The following FLNC variants were observed in gnomAD, a reference collection of about 807,000 sequenced individuals.
FLNC encodes the protein filamin C, also known as filamin-C.
In FLNC, 91 loss-of-function variants were observed where a neutral mutation model predicts 254.3. That is an observed-to-expected ratio of 0.36 (90% CI 0.30 to 0.43). The LOEUF (loss-of-function observed/expected upper bound fraction) is 0.43. FLNC is among the 20% of genes least tolerant of loss of function. The pLI, the probability that FLNC is intolerant of heterozygous loss-of-function variation, is 1.00. For missense variants in FLNC, 2,853 were observed against 3,802.6 expected, an observed-to-expected ratio of 0.75 and a Z score of 6.57; for synonymous variants, 1,430 against 1,577.2, an observed-to-expected ratio of 0.91 and a Z score of 2.21.
intron 35 of FLNC, 75 bp from the exon 36 acceptor site, chr7:128,852,516 G>A: frequency 6.4e-7 from 1 of 1,568,444 alleles, no homozygotes. Context: ...GGGCTGCTCA[G>A]GAGGGTTCCT....
intron 35 of FLNC, 99 bp from the exon 36 acceptor site, chr7:128,852,492 G>A: frequency 7.1e-7 from 1 of 1,406,328 alleles, no homozygotes; most frequent in Non-Finnish European, 1.0e-6. Flanking sequence ...CCCCGTGTCT[G>A]TTGAGTCCAG....
intron 42 of FLNC, 65 bp downstream of exon 42, chr7:128,854,977 T>A: frequency 6.4e-7 from 1 of 1,574,470 alleles, no homozygotes. Flanking sequence ...TTCTGCCCAC[T>A]GGCCAGGCAG....
Position 128,858,012 on chromosome 7 carries a change from G to A in FLNC, c.7785G>A (p.Pro2595=), listed in dbSNP as rs780670412. 3.1e-5 allele frequency: 47 copies of A among 1,525,058 alleles called. No homozygotes were observed. In the South Asian group the frequency reaches 4.3e-4, roughly 14 times the overall value. The allele number at this position is 1,525,058 out of a possible 1,614,324, so 94.5% of individuals were successfully genotyped here. ...CCCCCTCCACCCACCCCTCAGGTCC[G>A]AGGCTGTCCGGAGGCCACAGCCTTC... ...GSPFKAKVTG[P]RLSGGHSLHE... The change falls in exon 47 of 48, where the codon CCG becomes CCA. Residue 2595 remains proline (P), a synonymous_variant. Coordinates refer to ENST00000325888, the MANE Select transcript of FLNC (RefSeq NM_001458.5). This position sits in a 1 kb window ranked among gnomAD's most constrained non-coding sequence, Gnocchi z 6.7.
At position 128,850,099 on chromosome 7, in the gene FLNC, G is replaced by C. The variant is rs963280081; in HGVS notation, c.5298+25G>C. ...GGTACTGCGCCTCCCACCAGGCGAT[G>C]TCCTCCTCCTCCTCCCCTTCCTTCA... On this transcript the variant is annotated intron_variant, in intron 31 of 47. Transcript: ENST00000325888. 4.1e-6 allele frequency: 6 copies of C among 1,476,266 alleles called. No homozygotes were observed. In the African/African-American group the frequency reaches 4.2e-5, roughly 10 times the overall value. The allele number at this position is 1,476,266 out of a possible 1,614,324, so 91.4% of individuals were successfully genotyped here.
At position 128,845,230 on chromosome 7, in the gene FLNC, C is replaced by A. The variant is rs556428588; in HGVS notation, c.3765C>A (p.Val1255=). Reference sequence around the variant, plus strand: ...CGGTCGATACCAGTGGCGTCAAGGTCTCAGGGCCTGGTGTTGAGCCACACG... The same window carrying A: ...CGGTCGATACCAGTGGCGTCAAGGTATCAGGGCCTGGTGTTGAGCCACACG... ...QPAVDTSGVK[V]SGPGVEPHGV... The change falls in exon 21 of 48, where the codon GTC becomes GTA. Residue 1255 remains valine (V), a synonymous_variant. Transcript: ENST00000325888. 6.5e-4 allele frequency: 1,049 copies of A among 1,613,736 alleles called. 10 individuals are homozygous for A. The South Asian group carries it at 0.011, about 17-fold the overall frequency.
rs1333730377 is a variant in FLNC, at chr7:128,843,124, C to A, written c.2551-105C>A. On this transcript the variant is annotated intron_variant, in intron 16 of 47. Transcript: ENST00000325888. Reference sequence around the variant, plus strand: ...GCAAAGGGGGCCCTTTTGGAGGCTGCCCCTGTCCATGCTGGGTCCCCTGGG... The same window carrying A: ...GCAAAGGGGGCCCTTTTGGAGGCTGACCCTGTCCATGCTGGGTCCCCTGGG... 4.4e-6 allele frequency: 6 copies of A among 1,373,632 alleles called. No individual in the cohort carries two copies. The Admixed American group carries it at 9.8e-5, about 22-fold the overall frequency. 85.1% of individuals were successfully genotyped at this position (1,373,632 alleles called of 1,614,324 possible).
chr7:128,854,388 C>A, intron 40 of FLNC, 25 bp from the exon 41 acceptor site: 8 of 1,605,260 alleles, frequency 5.0e-6, no homozygotes, highest in Non-Finnish European at 6.0e-6. Flanking sequence ...CCCAGTGTTG[C>A]CCTGACATCC....
intron 7 of FLNC, 49 bp from the exon 8 acceptor site, chr7:128,838,554 G>A (rs1230751494): frequency 1.2e-6 from 2 of 1,609,770 alleles, no homozygotes; most frequent in Admixed American, 1.7e-5. Flanking sequence ...AGGGCACCGG[G>A]GCAGCTGTGT....
intron 37 of FLNC, chr7:128,853,251 C>T: frequency 1.4e-6 from 1 of 706,894 alleles, no homozygotes; most frequent in Non-Finnish European, 2.4e-6. Flanking sequence ...GAGTTTCTGT[C>T]CCTCCCTTGC....
Position 128,842,204 on chromosome 7 carries a change from T to C in FLNC, c.2122-27T>C, listed in dbSNP as rs117577125. 7,916 of 1,612,762 alleles carry C rather than the reference T, an allele frequency of 4.9e-3. 32 individuals carry two copies. The highest frequency in any genetic ancestry group is 6.1e-3 in the Non-Finnish European group (7,234 of 1,179,574). The stretch of plus-strand genomic sequence containing the variant: ...GGGCGCTCTGCAGAGGCCACAGCTA[T>C]GAACTTTGCTTGGGTGATGCCCACA... On this transcript the variant is annotated intron_variant, in intron 13 of 47. Coordinates refer to ENST00000325888, the MANE Select transcript of FLNC (RefSeq NM_001458.5). The surrounding 1 kb of genome is among the most constrained non-coding windows in gnomAD (Gnocchi z 5.4).
Position 128,853,581 on chromosome 7 carries a change from C to G in FLNC, c.6321C>G (p.Thr2107=), listed in dbSNP as rs1417451523. The G allele has an allele frequency of 1.9e-6, 3 of 1,614,164 alleles. No homozygotes were observed. In the Admixed American group the frequency reaches 5.0e-5, roughly 27 times the overall value. The change falls in exon 38 of 48, where the codon ACC becomes ACG. Residue 2107 remains threonine (T), a synonymous_variant. Coordinates refer to ENST00000325888, the MANE Select transcript of FLNC (RefSeq NM_001458.5). ...CCTACTGCCCCACCGAGCCCGGCAC[C>G]TACATCATCAACATCAAGTTTGCTG... ...KVTYCPTEPG[T]YIINIKFADK...
rs1808685152 is a variant in FLNC at position 128,848,913 on chromosome 7, G to A, written c.4858G>A (p.Glu1620Lys). Residue 1620 changes from glutamate to lysine, a missense_variant, in exon 28 of 48, where the codon GAG becomes AAG. Glu to Lys is a moderately conservative substitution (Grantham distance 56, BLOSUM62 1). Coordinates refer to ENST00000325888, the MANE Select transcript of FLNC (RefSeq NM_001458.5). ...YTITIKYGGD[E>K]IPYSPFRIHA... The stretch of plus-strand genomic sequence containing the variant: ...CATCACCATCAAGTATGGCGGTGAT[G>A]AGATCCCCTACTCGCCCTTCCGCAT... 5.0e-6 allele frequency: 8 copies of A among 1,613,842 alleles called. No homozygotes were observed. Among genetic ancestry groups the A allele is most frequent in the Non-Finnish European group, 6.8e-6 (8 of 1,179,994 alleles).
chr7:128,830,765 C>G lies in FLNC; in HGVS notation c.128C>G (p.Thr43Arg), dbSNP rs1262087669. The G allele has an allele frequency of 1.2e-6, 2 of 1,613,200 alleles. No homozygotes were observed. Among genetic ancestry groups the G allele is most frequent in the Non-Finnish European group, 8.5e-7 (1 of 1,179,946 alleles). ...AAGAAGATCCAGCAGAACACATTCA[C>G]GCGCTGGTGCAATGAGCACCTCAAG... is the stretch of plus-strand genomic sequence containing the variant. ...PWKKIQQNTFTRWCNEHLKCV... is the reference protein window; with the variant it reads ...PWKKIQQNTFRRWCNEHLKCV... The change falls in exon 1 of 48, where the codon ACG (threonine) becomes AGG (arginine). Residue 43 changes from threonine to arginine, a missense_variant. Thr to Arg is a moderately conservative substitution (Grantham distance 71, BLOSUM62 -1). Coordinates refer to ENST00000325888, the MANE Select transcript of FLNC (RefSeq NM_001458.5).
Position 128,849,884 on chromosome 7 carries a change from C to T in FLNC, c.5200-92C>T. 3 of 950,684 alleles carry T rather than the reference C, an allele frequency of 3.2e-6. No individual in the cohort carries two copies. The South Asian group carries it at 4.1e-5, about 13-fold the overall frequency. The allele number at this position is 950,684 out of a possible 1,614,324, so 58.9% of individuals were successfully genotyped here. A position where few individuals can be genotyped will look rare whatever the true frequency, so the allele number is the denominator to read the frequency against. ...AGGAGGATGAACACCCAAATTATCACCCAGCATTTCAGGTTCCTGGGCCAT... is the reference window on the plus strand; with the variant it reads ...AGGAGGATGAACACCCAAATTATCATCCAGCATTTCAGGTTCCTGGGCCAT... On this transcript the variant is annotated intron_variant, in intron 30 of 47. Coordinates refer to ENST00000325888, the MANE Select transcript of FLNC (RefSeq NM_001458.5).
chr7:128,844,299 T>G (rs779993896), intron 20 of FLNC, 33 bp downstream of exon 20: 13 of 1,579,452 alleles, frequency 8.2e-6, no homozygotes, highest in South Asian at 1.2e-5. Flanking sequence ...GGGCTGGGAG[T>G]TGGGGACTTG....
intron 30 of FLNC, 128 bp downstream of exon 30, chr7:128,849,706 T>C: frequency 8.0e-7 from 1 of 1,251,312 alleles, no homozygotes; most frequent in Non-Finnish European, 1.1e-6. Context: ...GGGGCCAGAG[T>C]GCTCCAGGAT....
Position 128,841,278 on chromosome 7 carries a change from A to C in FLNC, c.1922A>C (p.His641Pro). 1 of 1,614,034 alleles carries C rather than the reference A, an allele frequency of 6.2e-7. No individual in the cohort carries two copies. The highest frequency in any genetic ancestry group is 8.5e-7 in the Non-Finnish European group (1 of 1,179,988). ...WPTEPGEYAV[H>P]VICDDEDIRD... ...ACGGAGCCTGGGGAGTACGCTGTGC[A>C]CGTCATCTGTGACGATGAGGACATC... The change falls in exon 12 of 48, where the codon CAC (histidine) becomes CCC (proline). Residue 641 changes from histidine to proline, a missense_variant. Transcript: ENST00000325888. This position sits in a 1 kb window ranked among gnomAD's most constrained non-coding sequence, Gnocchi z 4.3.
At position 128,858,144 on chromosome 7, in the gene FLNC, G is replaced by A. The variant is rs1809149241; in HGVS notation, c.7917G>A (p.Val2639=). 2 of 1,612,050 alleles carry A rather than the reference G, an allele frequency of 1.2e-6. No homozygotes were observed. The highest frequency in any genetic ancestry group is 1.3e-5 in the African/African-American group (1 of 75,020). ...PKFSSDASKV[V]TRGPGLSQAF... ...TCTCCTCAGATGCCAGCAAGGTGGT[G>A]ACTCGGGGCCCTGGGCTGTCCCAGG... The change falls in exon 47 of 48, where the codon GTG becomes GTA. Residue 2639 remains valine, a synonymous_variant. Transcript: ENST00000325888. This position sits in a 1 kb window ranked among gnomAD's most constrained non-coding sequence, Gnocchi z 6.7.
At chr7:128,847,253 C>T (rs1447955301) in intron 24 of FLNC, among the ~76,000 whole-genome samples, 1 of 152,250 alleles carries the variant, frequency 6.6e-6, no homozygotes, top group Admixed American at 6.5e-5. Context: ...CCTTCTTGCA[C>T]GCATCGTCTG....
Sources: gnomAD v4.1 joint callset for allele counts (sites outside exome capture counted in the v4.1 genomes callset) on GRCh38, gnomAD v4.1.1 for gene constraint, Gnocchi (gnomAD v3.1) non-coding constraint, MANE v1.5 for transcripts, NCBI Gene and HGNC (gene_info 2026-07-23, HGNC 2026-07-21) for gene names.